The following TENM3 variants were observed in gnomAD, a reference collection of about 807,000 sequenced individuals.
The protein encoded by TENM3 is teneurin transmembrane protein 3, also known as teneurin-3.
In TENM3, 63 loss-of-function variants were observed where a neutral mutation model predicts 255.1. That is an observed-to-expected ratio of 0.25 (90% CI 0.20 to 0.30). The LOEUF (loss-of-function observed/expected upper bound fraction) is 0.30, where lower values mean the gene tolerates loss of function less well. Among genes scored for constraint, TENM3 ranks in the 10% least tolerant of loss-of-function variants. TENM3 has a pLI of 1.00. For synonymous variants in TENM3, 1,306 were observed against 1,322.3 expected (o/e 0.99, Z 0.27); for missense variants, 2,929 against 3,461.1 (o/e 0.85, Z 3.86).
At chr4:182,733,440 G>A (rs919491153) in intron 16 of TENM3, among the ~76,000 whole-genome samples, 3 of 141,146 alleles carry the variant, frequency 2.1e-5, no homozygotes, top group African/African-American at 7.7e-5. Flanking sequence ...GGCAAGGGTG[G>A]AAACAAGGAG....
chr4:182,044,719 G>A, the TENM3 span, among the ~76,000 whole-genome samples: 3 of 152,086 alleles, frequency 2.0e-5, no homozygotes, highest in South Asian at 2.1e-4. Context: ...ACCCTTTCCC[G>A]GGCCTTTATA....
At chr4:182,630,154 C>T (rs1751226729) in intron 5 of TENM3, among the ~76,000 whole-genome samples, 1 of 152,106 alleles carries the variant, frequency 6.6e-6, no homozygotes, top group East Asian at 1.9e-4. Flanking sequence ...ACCTTTCTGT[C>T]ATCTTTTAAT....
chr4:182,290,570 T>C (rs1483959683), intron 1 of TENM3, among the ~76,000 whole-genome samples: 2 of 151,738 alleles, frequency 1.3e-5, no homozygotes. Context: ...TGGCACAATC[T>C]CTGCTCACTG....
At chr4:181,548,692 C>T in the TENM3 span, among the ~76,000 whole-genome samples, 1 of 152,030 alleles carries the variant, frequency 6.6e-6, no homozygotes, top group Admixed American at 6.5e-5. Context: ...AGATAAGAGC[C>T]ATCTCAGAAC....
chr4:182,673,983 A>T (rs1335494214), intron 7 of TENM3, among the ~76,000 whole-genome samples: 1 of 152,194 alleles, frequency 6.6e-6, no homozygotes, highest in Non-Finnish European at 1.5e-5. Flanking sequence ...AGGTTTCATC[A>T]TCTCTAAGAG....
chr4:181,656,144 ACACAT>A, the TENM3 span, among the ~76,000 whole-genome samples: 1 of 152,112 alleles, frequency 6.6e-6, no homozygotes, highest in African/African-American at 2.4e-5. Context: ...TGGGGATGGC[ACACAT>A]CACTTCTTCT....
chr4:182,342,513 T>C (rs916192692), intron 2 of TENM3, among the ~76,000 whole-genome samples: 1 of 152,148 alleles, frequency 6.6e-6, no homozygotes, highest in African/African-American at 2.4e-5. Flanking sequence ...GTATAAGGTG[T>C]CTTTTTAGGG....
At chr4:182,433,741 G>A (rs1453274568) in intron 3 of TENM3, among the ~76,000 whole-genome samples, 1 of 152,178 alleles carries the variant, frequency 6.6e-6, no homozygotes, top group Admixed American at 6.5e-5. Context: ...CTAGAATATG[G>A]GTTGGAGTGT....
At chr4:182,334,018 T>C (rs1024581396) in intron 2 of TENM3, among the ~76,000 whole-genome samples, 34 of 152,210 alleles carry the variant, frequency 2.2e-4, no homozygotes, top group African/African-American at 7.2e-4. Flanking sequence ...AGGAACTTTT[T>C]TGGACAAGTT....
At chr4:182,428,499 T>C (rs754337861) in intron 3 of TENM3, among the ~76,000 whole-genome samples, 2 of 151,522 alleles carry the variant, frequency 1.3e-5, no homozygotes, top group Non-Finnish European at 2.9e-5. Context: ...ATTTGATGAG[T>C]CTTTATCTAG....
At chr4:181,876,577 GT>G in the TENM3 span, among the ~76,000 whole-genome samples, 7 of 152,140 alleles carry the variant, frequency 4.6e-5, no homozygotes, top group Middle Eastern at 6.8e-3. Flanking sequence ...TTGCAAATGT[GT>G]TTTTTTGAAT....
In TENM3 at chr4:182,145,692, T is replaced by C. The variant is rs1412581818; in HGVS notation, c.-76+938T>C. Among the ~76,000 whole-genome samples the C allele has an allele frequency of 4.6e-5, 7 of 152,320 alleles. No homozygotes were observed. In the South Asian group the frequency reaches 1.2e-3, roughly 27 times the overall value. On this transcript the variant is annotated intron_variant, in intron 1 of 2. Coordinates refer to the TENM3 transcript ENST00000512480. ...TGTAATTTGGAGGTAGAGAAAAGTT[T>C]CCAGGTACGTGTGAGGAGGTGCAAT...
At chr4:181,837,447 C>G in the TENM3 span, among the ~76,000 whole-genome samples, 1 of 151,906 alleles carries the variant, frequency 6.6e-6, no homozygotes, top group East Asian at 1.9e-4. Context: ...ATTTTTTTCT[C>G]TTTAACTATG....
At chr4:181,622,200 C>A in the TENM3 span, among the ~76,000 whole-genome samples, 5 of 152,126 alleles carry the variant, frequency 3.3e-5, no homozygotes, top group Admixed American at 1.3e-4. Context: ...ATCCAGGAAG[C>A]AGTGGTCAGC....
At chr4:181,527,625 G>GTT in the TENM3 span, among the ~76,000 whole-genome samples, 10 of 128,448 alleles carry the variant, frequency 7.8e-5, no homozygotes, top group South Asian at 2.5e-4. Flanking sequence ...GCCAGGTTTT[G>GTT]TTTTTTTTTT....
intron 1 of TENM3, among the ~76,000 whole-genome samples, chr4:182,211,015 G>C (rs181990880): frequency 6.6e-6 from 1 of 152,052 alleles, no homozygotes; most frequent in African/African-American, 2.4e-5. Flanking sequence ...TGGACAAACC[G>C]AGGCCAACAG....
intron 22 of TENM3, among the ~76,000 whole-genome samples, chr4:182,764,886 A>C (rs186297748): frequency 2.0e-5 from 3 of 152,286 alleles, no homozygotes; most frequent in East Asian, 3.9e-4. Context: ...AAGGTAGAAA[A>C]GTAGGTTAGG....
intron 2 of TENM3, among the ~76,000 whole-genome samples, chr4:182,345,785 T>C (rs1444458453): frequency 6.6e-6 from 1 of 152,202 alleles, no homozygotes; most frequent in Non-Finnish European, 1.5e-5. Context: ...ATGAGTTTTA[T>C]TATGCTCAAT....
the TENM3 span, among the ~76,000 whole-genome samples, chr4:182,122,586 G>A: frequency 1.8e-4 from 27 of 152,156 alleles, no homozygotes; most frequent in Admixed American, 1.8e-3. Context: ...CTCAACGGTG[G>A]TCTTAAAATT....
Sources: gnomAD v4.1 joint callset for allele counts (sites outside exome capture counted in the v4.1 genomes callset) on GRCh38, gnomAD v4.1.1 for gene constraint, MANE v1.5 for transcripts, NCBI Gene and HGNC (gene_info 2026-07-23, HGNC 2026-07-21) for gene names.